Variants in C12orf42 observed in about 807,000 individuals in gnomAD.
C12orf42 encodes the protein uncharacterized protein C12orf42.
In C12orf42, 25 loss-of-function variants were observed where a neutral mutation model predicts 21.6. The ratio of observed to expected loss-of-function variants is 1.16; its 90% CI spans 0.84 to 1.62. The LOEUF (loss-of-function observed/expected upper bound fraction) is 1.62. C12orf42 is among the 40% of genes most tolerant of loss of function. The pLI is 0.00. For synonymous variants in C12orf42, 174 were observed against 175.0 expected (o/e 0.99, Z 0.05); for missense variants, 483 against 459.3 (o/e 1.05, Z -0.47).
chr12:103,550,913 T>G, the C12orf42 span, among the ~76,000 whole-genome samples: 1 of 152,070 alleles, frequency 6.6e-6, no homozygotes, highest in South Asian at 2.1e-4. Context: ...TTTCAATTTT[T>G]GCCCTTAATT....
the C12orf42 span, among the ~76,000 whole-genome samples, chr12:103,049,743 C>T: frequency 2.0e-5 from 3 of 152,302 alleles, no homozygotes; most frequent in South Asian, 6.2e-4. Flanking sequence ...CTCACTTCTA[C>T]CTCATTGCCT....
the C12orf42 span, among the ~76,000 whole-genome samples, chr12:103,147,704 G>A: frequency 6.8e-6 from 1 of 147,908 alleles, no homozygotes; most frequent in African/African-American, 2.5e-5. Context: ...GTGTGAGGCT[G>A]GTGTTCACTT....
At chr12:103,254,548 G>C (rs2034460323) in intron 10 of C12orf42, among the ~76,000 whole-genome samples, 1 of 152,082 alleles carries the variant, frequency 6.6e-6, no homozygotes, top group Admixed American at 6.5e-5. Flanking sequence ...GAGAACTCAG[G>C]AATAAGATAG....
chr12:103,326,776 G>T (rs556425102), intron 4 of C12orf42, among the ~76,000 whole-genome samples: 17 of 152,282 alleles, frequency 1.1e-4, no homozygotes, highest in Non-Finnish European at 2.1e-4. Flanking sequence ...CCTCTGAACT[G>T]CACTGCTCTT....
chr12:103,257,563 A>G (rs2034674937), intron 10 of C12orf42, among the ~76,000 whole-genome samples: 1 of 152,146 alleles, frequency 6.6e-6, no homozygotes, highest in African/African-American at 2.4e-5. Context: ...ATAGAAAATA[A>G]TTAGAAATAA....
At chr12:103,355,134 C>G (rs1303393884) in intron 4 of C12orf42, among the ~76,000 whole-genome samples, 1 of 152,066 alleles carries the variant, frequency 6.6e-6, no homozygotes, top group Non-Finnish European at 1.5e-5. Context: ...TTAGAGTATT[C>G]CCCCTTTGAG....
the C12orf42 span, among the ~76,000 whole-genome samples, chr12:103,087,471 G>A: frequency 6.6e-6 from 1 of 152,156 alleles, no homozygotes; most frequent in East Asian, 1.9e-4. Flanking sequence ...GTTTTGAGGG[G>A]CAAGTTCAAG....
the C12orf42 span, among the ~76,000 whole-genome samples, chr12:103,152,181 A>T: frequency 6.6e-6 from 1 of 152,240 alleles, no homozygotes; most frequent in South Asian, 2.1e-4. Flanking sequence ...CAAGAGCTCC[A>T]GAGAAGTACC....
chr12:103,520,403 T>C, the C12orf42 span, among the ~76,000 whole-genome samples: 17 of 152,168 alleles, frequency 1.1e-4, no homozygotes, highest in African/African-American at 4.1e-4. Context: ...TTTTAAAAAA[T>C]AAAAGTCAAG....
chr12:103,451,408 C>A (rs920831109), intron 2 of C12orf42, among the ~76,000 whole-genome samples: 16 of 151,456 alleles, frequency 1.1e-4, no homozygotes, highest in Non-Finnish European at 1.6e-4. Flanking sequence ...AGAGACAGGT[C>A]TGTCTACGTT....
chr12:103,509,815 C>T, the C12orf42 span, among the ~76,000 whole-genome samples: 1 of 152,188 alleles, frequency 6.6e-6, no homozygotes, highest in Admixed American at 6.5e-5. Context: ...TGCAACTTTA[C>T]TCCTGCAAGA....
chr12:103,278,028 T>C (rs1045664232), intron 4 of C12orf42, among the ~76,000 whole-genome samples: 2 of 152,194 alleles, frequency 1.3e-5, no homozygotes, highest in African/African-American at 4.8e-5. Context: ...TAAATTTCTT[T>C]CTGAAAATTG....
At chr12:103,419,585 C>G (rs189102415) in intron 2 of C12orf42, among the ~76,000 whole-genome samples, 1 of 152,234 alleles carries the variant, frequency 6.6e-6, no homozygotes, top group East Asian at 1.9e-4. Context: ...CTCCAACTGT[C>G]TGAATATCCC....
the C12orf42 span, among the ~76,000 whole-genome samples, chr12:103,156,780 C>T: frequency 6.5e-3 from 991 of 152,284 alleles, 9 homozygotes; most frequent in African/African-American, 0.023. Context: ...CCAGCTTCAT[C>T]CATGTCCCTG....
At chr12:103,366,053 A>T (rs1456961005) in intron 4 of C12orf42, among the ~76,000 whole-genome samples, 2 of 152,124 alleles carry the variant, frequency 1.3e-5, no homozygotes, top group African/African-American at 2.4e-5. Context: ...ACATTACCCA[A>T]CTTCAAACTA....
chr12:103,439,478 A>G (rs1163598452), intron 2 of C12orf42, among the ~76,000 whole-genome samples: 1 of 85,422 alleles, frequency 1.2e-5, no homozygotes, highest in African/African-American at 4.4e-5. Context: ...GCACCCTACA[A>G]AATGGGAGAA....
At chr12:103,493,219 G>T (rs930742579) in intron 1 of C12orf42, among the ~76,000 whole-genome samples, 9 of 152,148 alleles carry the variant, frequency 5.9e-5, no homozygotes, top group South Asian at 2.1e-4. Flanking sequence ...ATAAAATCCA[G>T]TATTTTCCCA....
At chr12:103,122,715 G>T in the C12orf42 span, among the ~76,000 whole-genome samples, 1 of 152,174 alleles carries the variant, frequency 6.6e-6, no homozygotes, top group Non-Finnish European at 1.5e-5. Context: ...GAACAGCAAG[G>T]TCTACAGCAG....
intron 1 of C12orf42, among the ~76,000 whole-genome samples, chr12:103,486,649 G>A (rs1954853962): frequency 6.6e-6 from 1 of 152,088 alleles, no homozygotes; most frequent in South Asian, 2.1e-4. Context: ...CCTGTTATTG[G>A]TCTATTCAGA....
Sources: allele counts gnomAD v4.1 joint callset (sites outside exome capture counted in the v4.1 genomes callset), GRCh38; gene constraint gnomAD v4.1.1; transcripts MANE v1.5; gene names NCBI Gene and HGNC (gene_info 2026-07-23, HGNC 2026-07-21).